TBC1D2B: variants seen among roughly 807,000 people sequenced by gnomAD.
The protein encoded by TBC1D2B is TBC1 domain family, member 2B.
TBC1D2B carries 64 observed loss-of-function variants against 100.8 expected under a neutral mutation model. The observed-to-expected ratio is 0.64, with a 90% confidence interval of 0.52 to 0.78. The LOEUF is 0.78. Ranked by LOEUF, TBC1D2B falls within the 30% of genes least tolerant of loss-of-function variation. TBC1D2B has a pLI of 0.00. For synonymous variants in TBC1D2B, 480 were observed against 479.7 expected (o/e 1.00, Z -0.01); for missense variants, 1,052 against 1,218.4 (o/e 0.86, Z 2.03).
At chr15:78,026,889 G>A (rs530524981) in intron 4 of TBC1D2B, among the ~76,000 whole-genome samples, 4 of 142,312 alleles carry the variant, frequency 2.8e-5, no homozygotes, top group East Asian at 2.1e-4. Flanking sequence ...CAACAAGAGC[G>A]AATCTCCATC....
chr15:78,001,832 A>T, intron 11 of TBC1D2B, 92 bp from the exon 12 acceptor site: 2 of 1,425,448 alleles, frequency 1.4e-6, no homozygotes, highest in Non-Finnish European at 9.4e-7. Context: ...CCTACTGGGG[A>T]CAGGGGGACA....
rs200311680 is a variant in TBC1D2B, at chr15:78,025,239, AAG to A, written c.1086+18_1086+19del. The A allele has an allele frequency of 0.012, 19,191 of 1,603,960 alleles. 164 individuals are homozygous for A. The highest frequency in any genetic ancestry group is 0.04 in the Middle Eastern group (207 of 5,208). ...GGCCTGCTGAGGTGGGGTAAGACAG[AAG>A]CCAGAAGAAGAAGTTACCTTCTGAC... On this transcript the variant is annotated intron_variant, in intron 5 of 12. Transcript: ENST00000300584.
intron 1 of TBC1D2B, among the ~76,000 whole-genome samples, chr15:78,070,709 G>A (rs113926372): frequency 0.03 from 4,584 of 152,320 alleles, 254 homozygotes; most frequent in African/African-American, 0.11. Context: ...CCAGGCTGGA[G>A]TACAGTGGAG....
chr15:78,071,133 GT>G (rs574211546), intron 1 of TBC1D2B, among the ~76,000 whole-genome samples: 1 of 151,856 alleles, frequency 6.6e-6, no homozygotes, highest in South Asian at 2.1e-4. Flanking sequence ...CACCTGGCTA[GT>G]TTTTTTTAAT....
chr15:78,035,241 G>A (rs1442357513), intron 3 of TBC1D2B, among the ~76,000 whole-genome samples: 1 of 152,192 alleles, frequency 6.6e-6, no homozygotes, highest in Non-Finnish European at 1.5e-5. Flanking sequence ...CTGTATCATC[G>A]TTAAGAAAAC....
At chr15:78,033,101 A>G (rs1015358204) in intron 3 of TBC1D2B, among the ~76,000 whole-genome samples, 1 of 152,236 alleles carries the variant, frequency 6.6e-6, no homozygotes, top group Admixed American at 6.5e-5. Context: ...AGTTTTAAGT[A>G]TAACCCTAAT....
At chr15:78,000,779 G>A (rs1342205373) in intron 12 of TBC1D2B, among the ~76,000 whole-genome samples, 1 of 152,206 alleles carries the variant, frequency 6.6e-6, no homozygotes, top group Non-Finnish European at 1.5e-5. Flanking sequence ...TGGTCAGGGA[G>A]GGTTCCCGAA....
At chr15:78,010,901 G>C (rs994526278) in intron 9 of TBC1D2B, among the ~76,000 whole-genome samples, 2 of 152,154 alleles carry the variant, frequency 1.3e-5, no homozygotes, top group Non-Finnish European at 2.9e-5. Context: ...CAATTATCTG[G>C]AAGTGTCATT....
intron 10 of TBC1D2B, among the ~76,000 whole-genome samples, chr15:78,007,030 C>A (rs1202565186): frequency 6.6e-6 from 1 of 152,194 alleles, no homozygotes; most frequent in African/African-American, 2.4e-5. Context: ...CCCGTGCCTG[C>A]CTTGGGGCGG....
intron 2 of TBC1D2B, among the ~76,000 whole-genome samples, chr15:78,048,604 C>T (rs911209221): frequency 3.2e-4 from 49 of 152,186 alleles, no homozygotes; most frequent in African/African-American, 1.2e-3. Flanking sequence ...AGGGAGTTTC[C>T]GACTGCATTG....
chr15:78,070,331 G>A (rs2073724318), intron 1 of TBC1D2B, among the ~76,000 whole-genome samples: 1 of 150,864 alleles, frequency 6.6e-6, no homozygotes, highest in African/African-American at 2.4e-5. Flanking sequence ...GTCTTTCCTA[G>A]CCCTCCACCA....
intron 4 of TBC1D2B, 104 bp from the exon 5 acceptor site, chr15:78,025,601 A>G: frequency 1.2e-6 from 1 of 834,596 alleles, no homozygotes; most frequent in Non-Finnish European, 1.7e-6. Context: ...ATGTCGGCTC[A>G]CTGTAAGCTC....
intron 9 of TBC1D2B, among the ~76,000 whole-genome samples, chr15:78,011,105 C>G (rs1408487546): frequency 6.6e-6 from 1 of 152,156 alleles, no homozygotes; most frequent in African/African-American, 2.4e-5. Flanking sequence ...CAGGATCCTA[C>G]TTACAGGCTT....
Position 78,017,960 on chromosome 15 carries a change from G to T in TBC1D2B, c.1471-3C>A. ...GTTTTGTACCCCTGTAGATTATCCT[G>T]TTAGAAAAAAAAAAAATCCCTGAAT... On this transcript the variant is annotated splice_polypyrimidine_tract_variant and splice_region_variant and intron_variant, in intron 6 of 12. Coordinates refer to ENST00000300584, the MANE Select transcript of TBC1D2B (RefSeq NM_144572.2). 5 of 1,489,572 alleles carry T rather than the reference G, an allele frequency of 3.4e-6. No homozygotes were observed. Among genetic ancestry groups the T allele is most frequent in the African/African-American group, 1.4e-5 (1 of 70,274 alleles). 92.3% of individuals were successfully genotyped at this position (1,489,572 alleles called of 1,614,324 possible).
chr15:78,012,247 G>T (rs2072250451), intron 9 of TBC1D2B, among the ~76,000 whole-genome samples: 1 of 152,178 alleles, frequency 6.6e-6, no homozygotes, highest in South Asian at 2.1e-4. Context: ...TCCTCCTGAG[G>T]TCTTGTCCCA....
intron 4 of TBC1D2B, 122 bp from the exon 5 acceptor site, chr15:78,025,619 C>G (rs1160943923): frequency 1.5e-6 from 1 of 650,808 alleles, no homozygotes; most frequent in East Asian, 3.3e-5. Context: ...CTCCGCCTCC[C>G]AGGTTCATGC....
intron 8 of TBC1D2B, among the ~76,000 whole-genome samples, chr15:78,013,747 G>T (rs1039775496): frequency 6.6e-6 from 1 of 152,090 alleles, no homozygotes; most frequent in Non-Finnish European, 1.5e-5. Flanking sequence ...AACAAAGAAT[G>T]TATTTATAAG....
intron 3 of TBC1D2B, among the ~76,000 whole-genome samples, chr15:78,039,139 G>A (rs978845929): frequency 6.6e-6 from 1 of 152,226 alleles, no homozygotes; most frequent in Non-Finnish European, 1.5e-5. Context: ...GCAGCATGGT[G>A]ACTACATGCC....
At chr15:78,009,601 C>T (rs1426261825) in intron 9 of TBC1D2B, among the ~76,000 whole-genome samples, 1 of 152,016 alleles carries the variant, frequency 6.6e-6, no homozygotes, top group Non-Finnish European at 1.5e-5. Flanking sequence ...CTACTTTTCC[C>T]CACTTTCATT....
Sources: gnomAD v4.1 joint callset for allele counts (sites outside exome capture counted in the v4.1 genomes callset) on GRCh38, gnomAD v4.1.1 for gene constraint, MANE v1.5 for transcripts, NCBI Gene and HGNC (gene_info 2026-07-23, HGNC 2026-07-21) for gene names.